The following SEMA4F variants were observed in gnomAD, a reference collection of about 807,000 sequenced individuals.
SEMA4F encodes semaphorin-4F.
Under a neutral mutation model 78.4 loss-of-function variants are expected in SEMA4F, and 51 were observed. That is an observed-to-expected ratio of 0.65 (90% CI 0.52 to 0.82). The LOEUF (loss-of-function observed/expected upper bound fraction) is 0.82. SEMA4F is among the 40% of genes least tolerant of loss of function. The pLI, the probability that SEMA4F is intolerant of heterozygous loss-of-function variation, is 0.00. For synonymous variants in SEMA4F, 418 were observed against 408.7 expected, an observed-to-expected ratio of 1.02 and a Z score of -0.27; for missense variants, 938 against 1,014.4, an observed-to-expected ratio of 0.92 and a Z score of 1.02.
chr2:74,703,471 C>T, the SEMA4F span, among the ~76,000 whole-genome samples: 296 of 152,316 alleles, frequency 1.9e-3, 4 homozygotes, highest in East Asian at 0.043. Flanking sequence ...GGAACTTAGC[C>T]GCGAAATAGT....
At position 74,657,882 on chromosome 2, in the gene SEMA4F, C is replaced by T. The variant is rs1490931460; in HGVS notation, c.387C>T (p.Leu129=). The T allele has an allele frequency of 6.2e-6, 10 of 1,614,236 alleles. No individual in the cohort carries two copies. The highest frequency in any genetic ancestry group is 1.3e-5 in the African/African-American group (1 of 75,056). Residue 129 remains leucine (L), a synonymous_variant, in exon 4 of 14, where the codon CTC becomes CTT. Coordinates refer to ENST00000357877, the MANE Select transcript of SEMA4F (RefSeq NM_004263.5). Reference sequence around the variant, plus strand: ...AATGTCACAATTTTGTCCAGATTCTCGCCATTGCCAATGCCTCTCACCTCC... The same window carrying T: ...AATGTCACAATTTTGTCCAGATTCTTGCCATTGCCAATGCCTCTCACCTCC... ...EDECHNFVQI[L]AIANASHLLT...
Position 74,657,022 on chromosome 2 carries a change from A to G in SEMA4F, c.297+337A>G, listed in dbSNP as rs74944815. On this transcript the variant is annotated intron_variant, in intron 2 of 13. Coordinates refer to ENST00000357877, the MANE Select transcript of SEMA4F (RefSeq NM_004263.5). Reference sequence around the variant, plus strand: ...AAACTTTTTTTTGACCATTATTAGAACTATACAGTTTGAGCATCCCTAATC... The same window carrying G: ...AAACTTTTTTTTGACCATTATTAGAGCTATACAGTTTGAGCATCCCTAATC... Among the ~76,000 whole-genome samples, 19 of 152,306 alleles carry G rather than the reference A, an allele frequency of 1.2e-4. No individual in the cohort carries two copies. The East Asian group carries it at 3.5e-3, about 28-fold the overall frequency.
chr2:74,692,525 A>T, the SEMA4F span, among the ~76,000 whole-genome samples: 1 of 152,160 alleles, frequency 6.6e-6, no homozygotes, highest in Non-Finnish European at 1.5e-5. Flanking sequence ...CTCCAAATTC[A>T]CCCACTGGGG....
chr2:74,660,713 T>C (rs1251074950), intron 4 of SEMA4F, among the ~76,000 whole-genome samples: 1 of 152,242 alleles, frequency 6.6e-6, no homozygotes, highest in Non-Finnish European at 1.5e-5. Context: ...AATAGGAGGC[T>C]CACCTCTTCA....
chr2:74,697,064 C>T, the SEMA4F span, among the ~76,000 whole-genome samples: 2 of 152,170 alleles, frequency 1.3e-5, no homozygotes, highest in Non-Finnish European at 2.9e-5. Context: ...CGAATATTAC[C>T]AAAATACTTT....
At chr2:74,673,622 G>A in intron 6 of SEMA4F, 46 bp downstream of exon 6, 1 of 1,613,274 alleles carries the variant, frequency 6.2e-7, no homozygotes, top group Non-Finnish European at 8.5e-7. Context: ...ATGGGGTGGA[G>A]TCTGGGAAGT....
At chr2:74,654,640 G>A in intron 1 of SEMA4F, 119 bp downstream of exon 1, 1 of 829,570 alleles carries the variant, frequency 1.2e-6, no homozygotes, top group Non-Finnish European at 1.7e-6. Context: ...GGCGTTTCAC[G>A]CCGCCCACGC....
At chr2:74,674,847 C>T (rs781591300) in intron 8 of SEMA4F, 41 bp from the exon 9 acceptor site, 3 of 1,607,146 alleles carry the variant, frequency 1.9e-6, no homozygotes, top group Non-Finnish European at 2.6e-6. Context: ...TGCTATCCCC[C>T]AGACCCCTCC....
At chr2:74,705,728 T>C in the SEMA4F span, among the ~76,000 whole-genome samples, 1 of 152,156 alleles carries the variant, frequency 6.6e-6, no homozygotes, top group Non-Finnish European at 1.5e-5. Flanking sequence ...CATGCCTAGC[T>C]AATTTTTAAT....
intron 4 of SEMA4F, among the ~76,000 whole-genome samples, chr2:74,661,430 G>T (rs1022675148): frequency 1.3e-5 from 2 of 152,206 alleles, no homozygotes; most frequent in African/African-American, 4.8e-5. Context: ...GGTGGGGGTG[G>T]CTAGATGATG....
chr2:74,659,461 A>G (rs1035218385), intron 4 of SEMA4F, among the ~76,000 whole-genome samples: 11 of 152,158 alleles, frequency 7.2e-5, no homozygotes, highest in Non-Finnish European at 1.5e-4. Context: ...TTGGATGCCT[A>G]TCTCTTCTTG....
the SEMA4F span, among the ~76,000 whole-genome samples, chr2:74,708,420 C>T: frequency 6.6e-6 from 1 of 152,106 alleles, no homozygotes; most frequent in Non-Finnish European, 1.5e-5. Flanking sequence ...ACCTTCTCCT[C>T]AGTGATTATG....
intron 12 of SEMA4F, among the ~76,000 whole-genome samples, chr2:74,677,311 G>T (rs1685346418): frequency 6.6e-6 from 1 of 152,090 alleles, no homozygotes; most frequent in East Asian, 1.9e-4. Context: ...ACAACCATCA[G>T]CTCCTGGTCA....
At position 74,674,536 on chromosome 2, in the gene SEMA4F, G is replaced by GT; in HGVS notation, c.861_862insT (p.Thr288TyrfsTer7). 1 of 1,614,048 alleles carries GT rather than the reference G, an allele frequency of 6.2e-7. No homozygotes were observed. The highest frequency in any genetic ancestry group is 8.5e-7 in the Non-Finnish European group (1 of 1,180,000). ...GCCGGAAGACCCTCCAGCAGAGATG[G>GT]ACGACGTTTTTGAAAGCTGACCTGC... On this transcript the variant is annotated frameshift_variant, in exon 8 of 14. Transcript: ENST00000357877. LOFTEE classifies it high-confidence loss of function.
chr2:74,662,601 ATAGT>A, intron 4 of SEMA4F, 127 bp from the exon 5 acceptor site: 1 of 750,822 alleles, frequency 1.3e-6, no homozygotes, highest in Non-Finnish European at 2.4e-6. Flanking sequence ...TATGGGGATG[ATAGT>A]TGGGGGTAGG....
At position 74,675,241 on chromosome 2, in the gene SEMA4F, A is replaced by G. The variant is rs1201910637; in HGVS notation, c.1229A>G (p.Asp410Gly). ...LPDRVLTFIR[D>G]HPLMDRPVFP... ...GACCGCGTACTCACCTTCATCCGGG[A>G]CCACCCACTCATGGACAGGCCAGTG... The change falls in exon 10 of 14, where the codon GAC (aspartate) becomes GGC (glycine). Residue 410 changes from aspartate (D) to glycine (G), a missense_variant. Coordinates refer to ENST00000357877, the MANE Select transcript of SEMA4F (RefSeq NM_004263.5). 6.2e-7 allele frequency: 1 copy of G among 1,614,078 alleles called. No homozygotes were observed. The highest frequency in any genetic ancestry group is 2.2e-5 in the East Asian group (1 of 44,874).
At chr2:74,662,641 T>C in intron 4 of SEMA4F, 91 bp from the exon 5 acceptor site, 3 of 1,033,974 alleles carry the variant, frequency 2.9e-6, no homozygotes, top group Non-Finnish European at 3.1e-6. Context: ...GGAATGGGAA[T>C]TGACCTTTTC....
intron 10 of SEMA4F, 40 bp from the exon 11 acceptor site, chr2:74,675,485 G>A (rs1268492332): frequency 6.3e-7 from 1 of 1,598,474 alleles, no homozygotes; most frequent in African/African-American, 1.3e-5. Flanking sequence ...AGGCACAGGG[G>A]CAATTATGTA....
At chr2:74,657,093 G>T (rs964514335) in intron 2 of SEMA4F, among the ~76,000 whole-genome samples, 1 of 152,178 alleles carries the variant, frequency 6.6e-6, no homozygotes. Flanking sequence ...AGCTTTTTGT[G>T]TGCCAACATG....
Sources: allele counts gnomAD v4.1 joint callset (sites outside exome capture counted in the v4.1 genomes callset), GRCh38; gene constraint gnomAD v4.1.1; transcripts MANE v1.5; gene names NCBI Gene and HGNC (gene_info 2026-07-23, HGNC 2026-07-21).